Variants in KAZN observed in about 807,000 individuals in gnomAD.
The protein encoded by KAZN is kazrin.
KAZN carries 40 observed loss-of-function variants against 87.4 expected under a neutral mutation model. The ratio of observed to expected loss-of-function variants is 0.46; its 90% confidence interval spans 0.36 to 0.60. The LOEUF (loss-of-function observed/expected upper bound fraction) is 0.60. KAZN is among the 20% of genes least tolerant of loss of function. The pLI, the probability that KAZN is intolerant of heterozygous loss-of-function variation, is 0.00. For synonymous variants in KAZN, 466 were observed against 458.3 expected (o/e 1.02, Z -0.22); for missense variants, 898 against 1,073.9 (o/e 0.84, Z 2.29).
At chr1:14,779,827 G>A (rs1196881771) in intron 1 of KAZN, among the ~76,000 whole-genome samples, 1 of 152,172 alleles carries the variant, frequency 6.6e-6, no homozygotes, top group African/African-American at 2.4e-5. Flanking sequence ...CTCCCAAAGT[G>A]AAGTGACACG....
chr1:14,447,531 G>A (rs1159148310), intron 2 of KAZN, among the ~76,000 whole-genome samples: 9 of 152,142 alleles, frequency 5.9e-5, no homozygotes, highest in African/African-American at 1.7e-4. Flanking sequence ...GAGCCACCGC[G>A]CCCAGCCCTC....
exon 2 of KAZN, chr1:14,180,503 G>C: frequency 1.9e-6 from 3 of 1,550,376 alleles, no homozygotes; most frequent in Non-Finnish European, 2.6e-6. Context: ...GAAGGCACTG[G>C]AGGAGGACAA....
At chr1:14,757,364 G>A (rs955982861) in intron 1 of KAZN, among the ~76,000 whole-genome samples, 3 of 152,104 alleles carry the variant, frequency 2.0e-5, no homozygotes, top group East Asian at 1.9e-4. Flanking sequence ...TACTGAAACC[G>A]GAAGGAAAGA....
chr1:14,202,909 T>A (rs1646669010), intron 2 of KAZN, among the ~76,000 whole-genome samples: 3 of 151,900 alleles, frequency 2.0e-5, no homozygotes, highest in Admixed American at 1.3e-4. Context: ...TCCCAGCTAC[T>A]TGGAGGCTGA....
chr1:14,646,158 G>A (rs1345412217), intron 1 of KAZN, among the ~76,000 whole-genome samples: 1 of 152,140 alleles, frequency 6.6e-6, no homozygotes, highest in Non-Finnish European at 1.5e-5. Flanking sequence ...ATAGACCCCG[G>A]CCATATCCTG....
At chr1:14,855,793 G>A (rs1169639644) in intron 1 of KAZN, among the ~76,000 whole-genome samples, 1 of 152,182 alleles carries the variant, frequency 6.6e-6, no homozygotes, top group Non-Finnish European at 1.5e-5. Flanking sequence ...GGAATAGCAG[G>A]GTTGGAATTT....
chr1:14,274,349 A>G (rs1247726218), intron 2 of KAZN, among the ~76,000 whole-genome samples: 4 of 151,948 alleles, frequency 2.6e-5, no homozygotes, highest in East Asian at 1.9e-4. Context: ...AGTATAATTC[A>G]CCAAACACAC....
intron 2 of KAZN, among the ~76,000 whole-genome samples, chr1:14,213,186 A>G (rs1306007918): frequency 6.6e-6 from 1 of 152,180 alleles, no homozygotes; most frequent in Non-Finnish European, 1.5e-5. Flanking sequence ...ATGTTTTTCC[A>G]GCACTTGTAT....
At chr1:14,944,547 G>A (rs1176214602) in intron 1 of KAZN, among the ~76,000 whole-genome samples, 1 of 152,208 alleles carries the variant, frequency 6.6e-6, no homozygotes, top group Admixed American at 6.5e-5. Flanking sequence ...CCCCAGAGAG[G>A]CGGTCTCCAG....
intron 8 of KAZN, among the ~76,000 whole-genome samples, chr1:15,089,705 G>C (rs1640437590): frequency 1.4e-5 from 2 of 148,134 alleles, no homozygotes; most frequent in African/African-American, 5.0e-5. Context: ...GTCTGGAGAG[G>C]GGACAGCAAA....
chr1:14,139,188 A>G (rs943718121), intron 1 of KAZN, among the ~76,000 whole-genome samples: 10 of 152,226 alleles, frequency 6.6e-5, no homozygotes, highest in Middle Eastern at 3.4e-3. Context: ...TGTCCTGGAC[A>G]GTGGCCACTC....
At chr1:14,086,960 T>C (rs1014366361) in intron 1 of KAZN, among the ~76,000 whole-genome samples, 1 of 152,156 alleles carries the variant, frequency 6.6e-6, no homozygotes, top group Non-Finnish European at 1.5e-5. Flanking sequence ...AATCAAATAA[T>C]TGTAAGGCCT....
intron 1 of KAZN, among the ~76,000 whole-genome samples, chr1:14,931,130 A>G (rs1399008435): frequency 6.6e-6 from 1 of 152,130 alleles, no homozygotes; most frequent in Non-Finnish European, 1.5e-5. Flanking sequence ...AGGGCCAGAT[A>G]TGAAACCTTA....
At chr1:14,762,264 A>T (rs1334788016) in intron 1 of KAZN, among the ~76,000 whole-genome samples, 2 of 152,204 alleles carry the variant, frequency 1.3e-5, no homozygotes, top group Non-Finnish European at 2.9e-5. Context: ...ATGCTATGCC[A>T]AGGAATGTGA....
intron 1 of KAZN, among the ~76,000 whole-genome samples, chr1:14,149,102 T>C (rs1645416788): frequency 1.1e-5 from 1 of 91,316 alleles, no homozygotes; most frequent in East Asian, 2.8e-4. Flanking sequence ...TTTCTTTCTT[T>C]CCTTTTTTTT....
At chr1:14,617,361 A>G (rs555637688) in intron 1 of KAZN, among the ~76,000 whole-genome samples, 2 of 152,336 alleles carry the variant, frequency 1.3e-5, no homozygotes, top group South Asian at 4.1e-4. Context: ...TGAAAAGTCT[A>G]CATACCTTCA....
chr1:14,828,674 A>G (rs1646968163), intron 1 of KAZN, among the ~76,000 whole-genome samples: 1 of 152,206 alleles, frequency 6.6e-6, no homozygotes, highest in South Asian at 2.1e-4. Context: ...ACCTTGACTA[A>G]AAGTTGCTTA....
intron 2 of KAZN, among the ~76,000 whole-genome samples, chr1:14,413,593 GAA>G (rs1169921344): frequency 0.18 from 11,726 of 65,098 alleles, 134 homozygotes; most frequent in Non-Finnish European, 0.24. Flanking sequence ...CGTCTCAAAA[GAA>G]AAAAAAAAAA....
At chr1:14,239,053 T>G (rs1015505398) in intron 2 of KAZN, among the ~76,000 whole-genome samples, 4 of 152,228 alleles carry the variant, frequency 2.6e-5, no homozygotes, top group African/African-American at 9.6e-5. Flanking sequence ...TTCAAATTAA[T>G]AGTTTCCTCT....
Sources: gnomAD v4.1 joint callset for allele counts (sites outside exome capture counted in the v4.1 genomes callset) on GRCh38, gnomAD v4.1.1 for gene constraint, MANE v1.5 for transcripts, NCBI Gene and HGNC (gene_info 2026-07-23, HGNC 2026-07-21) for gene names.